CSMD1: variants seen among roughly 807,000 people sequenced by gnomAD.
CSMD1 encodes the protein CUB and Sushi multiple domains 1.
A neutral mutation model predicts 417.5 loss-of-function variants in CSMD1; 213 were observed. The observed-to-expected ratio is 0.51, with a 90% CI of 0.46 to 0.57. CSMD1 has a LOEUF of 0.57. CSMD1 is among the 20% of genes least tolerant of loss of function. The pLI, the probability that CSMD1 is intolerant of heterozygous loss-of-function variation, is 0.00. For synonymous variants in CSMD1, 2,862 were observed against 1,736.8 expected (o/e 1.65, Z -16.11); for missense variants, 6,923 against 4,529.7 (o/e 1.53, Z -15.17).
intron 3 of CSMD1, among the ~76,000 whole-genome samples, chr8:4,212,892 G>C (rs1249729052): frequency 2.0e-5 from 3 of 151,512 alleles, no homozygotes; most frequent in Non-Finnish European, 4.4e-5. Context: ...ACAGTTTAGA[G>C]GCTGAGCTGG....
chr8:3,245,746 G>A (rs1259218395), intron 26 of CSMD1, among the ~76,000 whole-genome samples: 1 of 152,216 alleles, frequency 6.6e-6, no homozygotes, highest in Non-Finnish European at 1.5e-5. Context: ...ATTTCTGGGT[G>A]GATCTAGAAC....
At chr8:4,740,180 C>T (rs1284804338) in intron 1 of CSMD1, among the ~76,000 whole-genome samples, 9 of 152,146 alleles carry the variant, frequency 5.9e-5, no homozygotes, top group Admixed American at 2.6e-4. Flanking sequence ...CACCCTGAGA[C>T]GAACACATTA....
chr8:3,785,777 G>A (rs985018358), intron 5 of CSMD1, among the ~76,000 whole-genome samples: 2 of 152,068 alleles, frequency 1.3e-5, no homozygotes, highest in African/African-American at 4.8e-5. Flanking sequence ...CAGGAACCTG[G>A]AAGAGTAGGT....
chr8:3,329,476 G>A (rs149746118), intron 23 of CSMD1, among the ~76,000 whole-genome samples: 7 of 152,218 alleles, frequency 4.6e-5, no homozygotes, highest in Admixed American at 6.5e-5. Flanking sequence ...GGGAAACTGC[G>A]GCAGCCACAC....
At chr8:4,026,479 G>C (rs1585157727) in intron 4 of CSMD1, among the ~76,000 whole-genome samples, 1 of 152,140 alleles carries the variant, frequency 6.6e-6, no homozygotes, top group Non-Finnish European at 1.5e-5. Context: ...AAATTTTAAA[G>C]ATCCTCCAAT....
At chr8:3,355,864 G>T (rs1046789571) in intron 21 of CSMD1, among the ~76,000 whole-genome samples, 1 of 152,144 alleles carries the variant, frequency 6.6e-6, no homozygotes, top group South Asian at 2.1e-4. Flanking sequence ...CAATACACGT[G>T]TAATGCACAT....
intron 26 of CSMD1, among the ~76,000 whole-genome samples, chr8:3,262,225 A>G (rs1391692514): frequency 2.4e-5 from 3 of 126,616 alleles, no homozygotes; most frequent in Non-Finnish European, 3.3e-5. Context: ...ATATATATAT[A>G]TATATACACA....
chr8:4,517,702 T>C (rs1803200708), intron 2 of CSMD1, among the ~76,000 whole-genome samples: 1 of 152,212 alleles, frequency 6.6e-6, no homozygotes, highest in East Asian at 1.9e-4. Flanking sequence ...CTCAAAATAC[T>C]AATACTTAGT....
At chr8:3,795,093 A>ATCTATCATGTATAGCTATAGATAGC (rs1799975796) in intron 5 of CSMD1, among the ~76,000 whole-genome samples, 1 of 74,490 alleles carries the variant, frequency 1.3e-5, no homozygotes, top group African/African-American at 4.3e-5. Context: ...CTATAGATAT[A>ATCTATCATGTATAGCTATAGATAGC]TATCTATCAT....
At chr8:3,773,929 T>G (rs1441108975) in intron 5 of CSMD1, among the ~76,000 whole-genome samples, 1 of 152,188 alleles carries the variant, frequency 6.6e-6, no homozygotes, top group Non-Finnish European at 1.5e-5. Context: ...TTGAGTAATT[T>G]GCATGACATT....
At chr8:3,346,500 C>G (rs1414914015) in intron 22 of CSMD1, among the ~76,000 whole-genome samples, 2 of 152,204 alleles carry the variant, frequency 1.3e-5, no homozygotes, top group African/African-American at 4.8e-5. Flanking sequence ...ATGACAGTCC[C>G]TCATACTGCC....
chr8:3,022,467 C>G (rs879598716), intron 51 of CSMD1, among the ~76,000 whole-genome samples: 1 of 152,258 alleles, frequency 6.6e-6, no homozygotes, highest in Non-Finnish European at 1.5e-5. Context: ...CCACTAGCCT[C>G]TGTTCCCACA....
At chr8:3,114,149 T>C (rs544235157) in intron 42 of CSMD1, among the ~76,000 whole-genome samples, 1 of 152,182 alleles carries the variant, frequency 6.6e-6, no homozygotes, top group South Asian at 2.1e-4. Context: ...GAGGCTGAAG[T>C]AGGAGGATTG....
At chr8:4,285,944 A>C (rs1279176386) in intron 3 of CSMD1, among the ~76,000 whole-genome samples, 1 of 152,170 alleles carries the variant, frequency 6.6e-6, no homozygotes, top group African/African-American at 2.4e-5. Flanking sequence ...TGGCTATGAT[A>C]TATCCGCAAT....
chr8:4,418,514 G>C (rs1318537711), intron 3 of CSMD1, among the ~76,000 whole-genome samples: 2 of 152,060 alleles, frequency 1.3e-5, no homozygotes, highest in African/African-American at 2.4e-5. Flanking sequence ...ACTTCATCAG[G>C]AGGGGAGAAA....
intron 11 of CSMD1, among the ~76,000 whole-genome samples, chr8:3,492,319 C>T (rs2060640534): frequency 6.6e-6 from 1 of 152,144 alleles, no homozygotes; most frequent in African/African-American, 2.4e-5. Flanking sequence ...AGAAGCCGCC[C>T]ATGGCTCCCC....
intron 3 of CSMD1, among the ~76,000 whole-genome samples, chr8:4,045,809 G>C (rs1036219812): frequency 8.5e-5 from 13 of 152,200 alleles, no homozygotes; most frequent in East Asian, 1.9e-4. Context: ...GTGAGACATG[G>C]CTTCTCAGCA....
intron 3 of CSMD1, among the ~76,000 whole-genome samples, chr8:4,221,526 C>T (rs114662106): frequency 0.012 from 1,886 of 152,260 alleles, 43 homozygotes; most frequent in African/African-American, 0.043. Flanking sequence ...ATTTGCAGCA[C>T]AGAATCCCAG....
intron 1 of CSMD1, among the ~76,000 whole-genome samples, chr8:4,821,582 C>G (rs181546100): frequency 2.0e-5 from 3 of 152,104 alleles, no homozygotes; most frequent in Non-Finnish European, 4.4e-5. Context: ...AATCAGGGCT[C>G]TTCCTACAGA....
Sources: gnomAD v4.1 joint callset for allele counts (sites outside exome capture counted in the v4.1 genomes callset) on GRCh38, gnomAD v4.1.1 for gene constraint, MANE v1.5 for transcripts, NCBI Gene and HGNC (gene_info 2026-07-23, HGNC 2026-07-21) for gene names.